Variants in DGKZ observed in about 807,000 individuals in gnomAD.
DGKZ encodes diacylglycerol kinase zeta, also known as DAG kinase zeta.
DGKZ carries 45 observed loss-of-function variants against 142.5 expected under a neutral mutation model. The ratio of observed to expected loss-of-function variants is 0.32; its 90% CI spans 0.25 to 0.40. The LOEUF is 0.40. Ranked by LOEUF, DGKZ falls within the 10% of genes least tolerant of loss-of-function variation. The probability of loss-of-function intolerance (pLI) is 1.00; values close to 1 mark genes in which losing one functional copy is unlikely to be tolerated. For synonymous variants in DGKZ, 442 were observed against 527.0 expected (o/e 0.84, Z 2.21); for missense variants, 755 against 1,306.5 (o/e 0.58, Z 6.51).
Position 46,379,919 on chromosome 11 carries a change from A to G in DGKZ, c.2777A>G (p.Gln926Arg), listed in dbSNP as rs147877589. 2.2e-3 allele frequency: 3,516 copies of G among 1,608,016 alleles called. 8 individuals carry two copies. The highest frequency in any genetic ancestry group is 2.6e-3 in the Non-Finnish European group (3,097 of 1,178,254). The change falls in exon 31 of 31, where the codon CAG becomes CGG. Residue 926 changes from glutamine (Q) to arginine (R), a missense_variant. Physicochemically the swap from Gln to Arg is conservative, Grantham distance 43 (BLOSUM62 1). Around this residue, in one of 8 missense-constraint regions of DGKZ, gnomAD observed 12 missense variants for 29.9 expected, o/e 0.40. Transcript: ENST00000527911. Reference sequence around the variant, plus strand: ...AACCGGCAGCACTACCAGATGATCCAGCGGGAGGACCAGGAGACGGCTGTG... The same window carrying G: ...AACCGGCAGCACTACCAGATGATCCGGCGGGAGGACCAGGAGACGGCTGTG...
chr11:46,352,521 G>A (rs991238235), intron 1 of DGKZ, among the ~76,000 whole-genome samples: 1 of 152,172 alleles, frequency 6.6e-6, no homozygotes, highest in African/African-American at 2.4e-5. Flanking sequence ...CCAGCCAGGT[G>A]GCCTTGACTC....
chr11:46,364,841 T>C, intron 1 of DGKZ: 5 of 985,406 alleles, frequency 5.1e-6, no homozygotes, highest in Non-Finnish European at 6.0e-6. Context: ...ACAGGGCTTC[T>C]TCTGTCAGCC....
upstream of DGKZ, chr11:46,345,159 G>A: frequency 1.2e-6 from 1 of 815,558 alleles, no homozygotes; most frequent in Non-Finnish European, 1.7e-6. The surrounding 1 kb of genome is among the most constrained non-coding windows in gnomAD (Gnocchi z 4.1). Context: ...AACCAGACAG[G>A]AGCCCAGGTG....
At chr11:46,379,922 G>A in exon 31 of DGKZ, 2 of 1,607,426 alleles carry the variant, frequency 1.2e-6, no homozygotes, top group South Asian at 1.1e-5. Flanking sequence ...ATGATCCAGC[G>A]GGAGGACCAG....
chr11:46,369,651 A>T, intron 5 of DGKZ, 101 bp downstream of exon 5: 2 of 1,448,036 alleles, frequency 1.4e-6, no homozygotes, highest in Non-Finnish European at 1.9e-6. Context: ...GGCTCCCTCT[A>T]GGCTGCTGCT....
In DGKZ at chr11:46,376,497, G is replaced by A. The variant is rs777080537; in HGVS notation, c.2162-27G>A. ...CCTGGGCCTGGACATGGCACTCCCT[G>A]ATCCTCAGCTGCCCTCTCTCCCACA... On this transcript the variant is annotated intron_variant, in intron 23 of 30. Coordinates refer to ENST00000527911, the Ensembl canonical transcript of DGKZ. The A allele has an allele frequency of 5.6e-6, 9 of 1,613,648 alleles. No homozygotes were observed. In the East Asian group the frequency reaches 2.0e-4, roughly 36 times the overall value.
At chr11:46,360,343 C>A (rs1336986429) in intron 1 of DGKZ, among the ~76,000 whole-genome samples, 1 of 151,970 alleles carries the variant, frequency 6.6e-6, no homozygotes, top group Non-Finnish European at 1.5e-5. Flanking sequence ...TAGCTGTCAC[C>A]CCCTAAAACA....
intron 1 of DGKZ, chr11:46,361,790 G>A (rs1942683309): frequency 1.8e-6 from 1 of 566,072 alleles, no homozygotes; most frequent in Non-Finnish European, 2.2e-6. Context: ...GGTTGGATCC[G>A]GGCGGACCCG....
At chr11:46,345,782 G>A (rs567154012), upstream of DGKZ, among the ~76,000 whole-genome samples, 213 of 152,264 alleles carry the variant, frequency 1.4e-3, 4 homozygotes, top group Non-Finnish European at 5.0e-4. This position sits in a 1 kb window ranked among gnomAD's most constrained non-coding sequence, Gnocchi z 4.1. Context: ...AACTGAGCTC[G>A]AGAGAGGCCA....
In DGKZ at chr11:46,372,689, G is replaced by C. The variant is rs763387695; in HGVS notation, c.1071+12G>C. On this transcript the variant is annotated intron_variant, in intron 12 of 30. Coordinates refer to ENST00000527911, the Ensembl canonical transcript of DGKZ. The surrounding 1 kb of genome is among the most constrained non-coding windows in gnomAD (Gnocchi z 5.9). ...GGGGCGACGGCACGGTGAGCTCCCCGCATGGGCCAGCCGAGCACCAGGGCT... is the reference window on the plus strand; with the variant it reads ...GGGGCGACGGCACGGTGAGCTCCCCCCATGGGCCAGCCGAGCACCAGGGCT... The C allele has an allele frequency of 1.2e-6, 2 of 1,612,852 alleles. No homozygotes were observed. The highest frequency in any genetic ancestry group is 1.3e-5 in the African/African-American group (1 of 75,026).
At chr11:46,354,219 C>T (rs906655730) in intron 1 of DGKZ, among the ~76,000 whole-genome samples, 1 of 152,212 alleles carries the variant, frequency 6.6e-6, no homozygotes, top group African/African-American at 2.4e-5. Context: ...CAGGATCTCC[C>T]TCTGTCACCC....
chr11:46,375,119 A>C, intron 19 of DGKZ, 74 bp downstream of exon 19: 2 of 1,367,446 alleles, frequency 1.5e-6, no homozygotes, highest in Non-Finnish European at 9.8e-7. Context: ...ACTCACCTCC[A>C]TGGGCCACGG....
chr11:46,365,439 C>T (rs1943138244), intron 1 of DGKZ: 1 of 985,442 alleles, frequency 1.0e-6, no homozygotes, highest in Non-Finnish European at 1.2e-6. Context: ...GGCACGCACA[C>T]ACCCAGAATC....
intron 1 of DGKZ, chr11:46,365,782 T>G: frequency 1.0e-6 from 1 of 985,372 alleles, no homozygotes; most frequent in Non-Finnish European, 1.2e-6. Context: ...GCCCAGCAAG[T>G]GGGAAGCCCT....
rs143155087 is a variant in DGKZ at position 46,366,285 on chromosome 11, G to A, written c.162-1006G>A. ...GAGACTTTCTTTAGGAGACATTTCC[G>A]GGGGAAGGTGCCAGGCCCTGGAGAG... On this transcript the variant is annotated intron_variant, in intron 1 of 30. Coordinates refer to ENST00000527911, the Ensembl canonical transcript of DGKZ. The A allele has an allele frequency of 4.6e-4, 721 of 1,583,152 alleles. 4 individuals carry two copies. The African/African-American group carries it at 8.0e-3, about 18-fold the overall frequency.
At chr11:46,355,244 G>A (rs750188499) in intron 1 of DGKZ, among the ~76,000 whole-genome samples, 55 of 152,216 alleles carry the variant, frequency 3.6e-4, no homozygotes, top group Non-Finnish European at 6.9e-4. Flanking sequence ...AAGTAGCTGG[G>A]ACTACAGGCG....
upstream of DGKZ, among the ~76,000 whole-genome samples, chr11:46,344,573 C>G (rs886684635): frequency 2.6e-5 from 4 of 151,826 alleles, no homozygotes; most frequent in Non-Finnish European, 4.4e-5. Context: ...CCTGCCTCAG[C>G]CTCCCAAGTA....
upstream of DGKZ, among the ~76,000 whole-genome samples, chr11:46,343,716 G>A (rs1293304019): frequency 1.3e-5 from 2 of 152,122 alleles, no homozygotes; most frequent in African/African-American, 4.8e-5. Context: ...GGCCATGCTG[G>A]CCTTTTTGCA....
At position 46,371,307 on chromosome 11, in the gene DGKZ, C is replaced by A; in HGVS notation, c.571-6C>A. On this transcript the variant is annotated splice_polypyrimidine_tract_variant and splice_region_variant and intron_variant, in intron 6 of 30. Transcript: ENST00000527911. The stretch of plus-strand genomic sequence containing the variant: ...CCTGGTTCCCATCCATCCTGTCTAC[C>A]CTCAGGGATTCCAGCAGAAGTTCAC... 6.2e-7 allele frequency: 1 copy of A among 1,613,488 alleles called. No individual in the cohort carries two copies. The highest frequency in any genetic ancestry group is 8.5e-7 in the Non-Finnish European group (1 of 1,179,764).
Sources: gnomAD v4.1 joint callset for allele counts (sites outside exome capture counted in the v4.1 genomes callset) on GRCh38, gnomAD v4.1.1 for gene constraint, gnomAD v4.1.1 regional missense constraint, Gnocchi (gnomAD v3.1) non-coding constraint, MANE v1.5 for transcripts, NCBI Gene and HGNC (gene_info 2026-07-23, HGNC 2026-07-21) for gene names.